BIRC6: variants seen among roughly 807,000 people sequenced by gnomAD.
The protein encoded by BIRC6 is dual E2 ubiquitin-conjugating enzyme/E3 ubiquitin-protein ligase BIRC6.
Under a neutral mutation model 503.3 loss-of-function variants are expected in BIRC6, and 98 were observed. The ratio of observed to expected loss-of-function variants is 0.19; its 90% CI spans 0.17 to 0.23. BIRC6 has a LOEUF of 0.23. Ranked by LOEUF, BIRC6 falls within the 10% of genes least tolerant of loss-of-function variation. The pLI is 1.00. For synonymous variants in BIRC6, 2,240 were observed against 2,078.7 expected, an observed-to-expected ratio of 1.08 and a Z score of -2.11; for missense variants, 5,360 against 5,806.0, an observed-to-expected ratio of 0.92 and a Z score of 2.50.
intron 42 of BIRC6, 41 bp from the exon 43 acceptor site, chr2:32,490,000 G>C (rs2051492099): frequency 2.9e-6 from 4 of 1,374,890 alleles, no homozygotes; most frequent in Admixed American, 1.7e-5. Flanking sequence ...CATAAACATT[G>C]TTTTTCTGAA....
At chr2:32,556,055 G>C (rs1220364420) in intron 65 of BIRC6, among the ~76,000 whole-genome samples, 2 of 152,020 alleles carry the variant, frequency 1.3e-5, no homozygotes, top group African/African-American at 4.8e-5. Flanking sequence ...ACTTGCCTAT[G>C]TTTAATGTAT....
In BIRC6 at chr2:32,508,275, CCTTTTTT is replaced by C; in HGVS notation, c.9980+17_9980+23del. 8 of 577,782 alleles carry C rather than the reference CCTTTTTT, an allele frequency of 1.4e-5. No individual in the cohort carries two copies. Among genetic ancestry groups the C allele is most frequent in the Admixed American group, 9.7e-5 (1 of 10,362 alleles). 35.8% of individuals were successfully genotyped at this position (577,782 alleles called of 1,614,324 possible). ...CCAAAACAAGGTATGTTTTGTTTGTCCTTTTTTTTTTTTTTTTTTTTTTTTTTTGGCA... is the reference window on the plus strand; with the variant it reads ...CCAAAACAAGGTATGTTTTGTTTGTCTTTTTTTTTTTTTTTTTTTTTGGCA... On this transcript the variant is annotated intron_variant, in intron 51 of 73. Coordinates refer to ENST00000421745, the MANE Select transcript of BIRC6 (RefSeq NM_016252.4).
chr2:32,584,687 C>A (rs1340536969), intron 66 of BIRC6, among the ~76,000 whole-genome samples: 1 of 151,942 alleles, frequency 6.6e-6, no homozygotes, highest in Non-Finnish European at 1.5e-5. Context: ...AATATTGGTT[C>A]TTTTTAATTT....
chr2:32,465,313 TAAGCACTTACATGTTC>T (rs2048430151), intron 26 of BIRC6, 149 bp downstream of exon 26: 2 of 560,994 alleles, frequency 3.6e-6, no homozygotes, highest in Admixed American at 7.5e-5. Context: ...TTATCAAGAA[TAAGCACTTACATGTTC>T]AAGCTTTGTG....
At chr2:32,441,239 CAGTT>C in intron 16 of BIRC6, 86 bp from the exon 17 acceptor site, 1 of 947,410 alleles carries the variant, frequency 1.1e-6, no homozygotes, top group Non-Finnish European at 1.5e-6. Flanking sequence ...GGCCACAATT[CAGTT>C]ATTTTCCTTT....
chr2:32,473,295 T>C (rs2049309876), intron 33 of BIRC6, 56 bp downstream of exon 33: 9 of 1,398,698 alleles, frequency 6.4e-6, no homozygotes, highest in Non-Finnish European at 8.7e-6. Flanking sequence ...TTTTGGAGTT[T>C]GCATGAGACA....
At chr2:32,586,261 A>G (rs1053232257) in intron 66 of BIRC6, among the ~76,000 whole-genome samples, 1 of 150,922 alleles carries the variant, frequency 6.6e-6, no homozygotes, top group Admixed American at 6.6e-5. Flanking sequence ...AAAAAAAAAA[A>G]CAACTTAAAA....
chr2:32,525,946 G>C (rs1399774164), intron 59 of BIRC6, among the ~76,000 whole-genome samples: 1 of 152,140 alleles, frequency 6.6e-6, no homozygotes, highest in East Asian at 1.9e-4. Context: ...GAAACACCGT[G>C]GGGCAAATTT....
At chr2:32,471,823 G>A (rs2049144259) in intron 32 of BIRC6, among the ~76,000 whole-genome samples, 2 of 152,050 alleles carry the variant, frequency 1.3e-5, no homozygotes, top group Admixed American at 1.3e-4. Context: ...TAGTATGTAA[G>A]CCATTGAAAT....
chr2:32,366,394 T>C (rs1045763519), intron 1 of BIRC6, among the ~76,000 whole-genome samples: 3 of 152,220 alleles, frequency 2.0e-5, no homozygotes, highest in African/African-American at 7.2e-5. Context: ...CAATACCTTC[T>C]TTATTCCTTT....
At position 32,395,577 on chromosome 2, in the gene BIRC6, C is replaced by T; in HGVS notation, c.1018C>T (p.Pro340Ser). The change falls in exon 6 of 74, where the codon CCT becomes TCT. Residue 340 changes from proline to serine, a missense_variant. By Grantham distance (74) the Pro-to-Ser change is moderately conservative. This residue lies in a region of BIRC6 where 92 missense variants were observed against 176.7 expected (regional missense o/e 0.52). Coordinates refer to ENST00000421745, the MANE Select transcript of BIRC6 (RefSeq NM_016252.4). ...TCSVCLVCWE[P>S]TDEPWSEHER... ...TAGTGTATGCCTCGTTTGTTGGGAA[C>T]CTACTGATGAACCTTGGTGAGTCTT... 2 of 1,611,770 alleles carry T rather than the reference C, an allele frequency of 1.2e-6. No individual in the cohort carries two copies. The highest frequency in any genetic ancestry group is 1.7e-6 in the Non-Finnish European group (2 of 1,178,012).
chr2:32,613,820 T>C (rs1246182892), intron 73 of BIRC6, among the ~76,000 whole-genome samples: 1 of 152,222 alleles, frequency 6.6e-6, no homozygotes, highest in Non-Finnish European at 1.5e-5. Context: ...TCTTTCAGTG[T>C]GTTTTCCTTT....
intron 65 of BIRC6, among the ~76,000 whole-genome samples, chr2:32,550,943 T>C (rs2058380335): frequency 6.6e-6 from 1 of 152,122 alleles, no homozygotes; most frequent in Non-Finnish European, 1.5e-5. Flanking sequence ...TTTTATGATG[T>C]ATTATTTTCC....
chr2:32,372,757 G>T (rs1188019268), intron 1 of BIRC6, among the ~76,000 whole-genome samples: 1 of 152,080 alleles, frequency 6.6e-6, no homozygotes, highest in Non-Finnish European at 1.5e-5. Flanking sequence ...CTGAGCCCTG[G>T]AGGTCAAAGC....
chr2:32,398,729 C>T (rs566828037), intron 6 of BIRC6, among the ~76,000 whole-genome samples: 261 of 151,776 alleles, frequency 1.7e-3, no homozygotes, highest in African/African-American at 6.0e-3. Context: ...TTTATATAGC[C>T]GCGTGTAACT....
intron 21 of BIRC6, among the ~76,000 whole-genome samples, chr2:32,447,346 T>C (rs1474195739): frequency 2.0e-5 from 3 of 149,454 alleles, no homozygotes; most frequent in East Asian, 2.0e-4. Context: ...GAAGCGCCCC[T>C]CACCTCCCGG....
intron 43 of BIRC6, among the ~76,000 whole-genome samples, chr2:32,490,537 A>G (rs1200093344): frequency 1.3e-5 from 2 of 152,196 alleles, no homozygotes; most frequent in East Asian, 1.9e-4. Flanking sequence ...TCTGTCTCCA[A>G]TAAAAGTGAC....
chr2:32,510,599 G>T lies in BIRC6; in HGVS notation c.10311G>T (p.Gln3437His). 1 of 1,608,678 alleles carries T rather than the reference G, an allele frequency of 6.2e-7. No homozygotes were observed. The highest frequency in any genetic ancestry group is 8.5e-7 in the Non-Finnish European group (1 of 1,175,300). Residue 3437 changes from glutamine (Q) to histidine (H), a missense_variant, in exon 53 of 74, where the codon CAG becomes CAT. Gln to His is a conservative substitution (Grantham distance 24). Coordinates refer to ENST00000421745, the MANE Select transcript of BIRC6 (RefSeq NM_016252.4). ...ACTCTACGATAGATATTCTTTACCA[G>T]CTTGGAACAACTCAGGATCCTGGTA... The part of the protein sequence containing the change: ...SSDSTIDILY[Q>H]LGTTQDPGTK...
intron 1 of BIRC6, among the ~76,000 whole-genome samples, chr2:32,371,515 C>A (rs2035947857): frequency 6.6e-6 from 1 of 151,882 alleles, no homozygotes; most frequent in African/African-American, 2.4e-5. Flanking sequence ...GCTGGGACTA[C>A]AGGTTCATGC....
Sources: gnomAD v4.1 joint callset for allele counts (sites outside exome capture counted in the v4.1 genomes callset) on GRCh38, gnomAD v4.1.1 for gene constraint, gnomAD v4.1.1 regional missense constraint, MANE v1.5 for transcripts, NCBI Gene and HGNC (gene_info 2026-07-23, HGNC 2026-07-21) for gene names.